Variants in DPYD observed in about 807,000 individuals in gnomAD.
DPYD encodes the protein dihydropyrimidine dehydrogenase [NADP(+)].
A neutral mutation model predicts 116.2 loss-of-function variants in DPYD; 109 were observed. The ratio of observed to expected loss-of-function variants is 0.94; its 90% CI spans 0.80 to 1.10. DPYD has a LOEUF of 1.10. Among genes scored for constraint, DPYD ranks in the 50% least tolerant of loss-of-function variants. DPYD has a pLI of 0.00. For synonymous variants in DPYD, 440 were observed against 432.0 expected, an observed-to-expected ratio of 1.02 and a Z score of -0.23; for missense variants, 1,302 against 1,254.5, an observed-to-expected ratio of 1.04 and a Z score of -0.57.
chr1:97,678,537 T>C (rs1159160377), intron 8 of DPYD, among the ~76,000 whole-genome samples: 1 of 152,178 alleles, frequency 6.6e-6, no homozygotes, highest in Non-Finnish European at 1.5e-5. Context: ...AGAAAAATGT[T>C]AGAAAACTCA....
chr1:97,378,152 TA>T (rs1671744041), intron 15 of DPYD, among the ~76,000 whole-genome samples: 1 of 152,194 alleles, frequency 6.6e-6, no homozygotes, highest in Admixed American at 6.5e-5. Flanking sequence ...CTGGGACAGG[TA>T]AAACACTCTT....
intron 16 of DPYD, among the ~76,000 whole-genome samples, chr1:97,307,627 T>C (rs1255437104): frequency 6.6e-6 from 1 of 151,912 alleles, no homozygotes; most frequent in Non-Finnish European, 1.5e-5. Context: ...TTATTCTCTT[T>C]TTAGAACAGT....
At chr1:97,680,465 T>C (rs532831635) in intron 7 of DPYD, among the ~76,000 whole-genome samples, 82 of 152,228 alleles carry the variant, frequency 5.4e-4, no homozygotes, top group Non-Finnish European at 9.3e-4. Flanking sequence ...GTATTATTGC[T>C]AGAGAAGTTT....
Position 97,796,334 on chromosome 1 carries a change from A to T in DPYD, c.233+31780T>A, listed in dbSNP as rs1406080974. Reference sequence around the variant, plus strand: ...AGTTAATTTTTCTCCACTGCTTTTAATCACATTAAACTGATCCTTCTATTC... The same window carrying T: ...AGTTAATTTTTCTCCACTGCTTTTATTCACATTAAACTGATCCTTCTATTC... On this transcript the variant is annotated intron_variant, in intron 3 of 22. Coordinates refer to ENST00000370192, the MANE Select transcript of DPYD (RefSeq NM_000110.4). Among the ~76,000 whole-genome samples the T allele has an allele frequency of 2.0e-5, 3 of 152,238 alleles. No individual in the cohort carries two copies. In the South Asian group the frequency reaches 6.2e-4, roughly 32 times the overall value.
chr1:97,822,222 TTC>T (rs150231775), intron 3 of DPYD, among the ~76,000 whole-genome samples: 4,299 of 92,172 alleles, frequency 0.047, 173 homozygotes, highest in African/African-American at 0.14. Context: ...GCAATTTTGT[TTC>T]TCTCTCTCTC....
intron 8 of DPYD, among the ~76,000 whole-genome samples, chr1:97,605,110 A>G (rs1261422940): frequency 1.3e-5 from 2 of 152,118 alleles, no homozygotes; most frequent in East Asian, 1.9e-4. Context: ...GATTTTCCAC[A>G]TCTAACAATC....
intron 14 of DPYD, among the ~76,000 whole-genome samples, chr1:97,412,615 A>G (rs1159949442): frequency 6.6e-6 from 1 of 152,230 alleles, no homozygotes; most frequent in Non-Finnish European, 1.5e-5. Context: ...AGAAATTATT[A>G]TATGAAAGTA....
At chr1:97,912,775 T>C (rs1356416536) in intron 1 of DPYD, among the ~76,000 whole-genome samples, 1 of 152,132 alleles carries the variant, frequency 6.6e-6, no homozygotes, top group Non-Finnish European at 1.5e-5. Context: ...CCTAGAGATC[T>C]GTAAGGGGAA....
chr1:97,671,017 A>G (rs1659833501), intron 8 of DPYD, among the ~76,000 whole-genome samples: 1 of 152,120 alleles, frequency 6.6e-6, no homozygotes, highest in African/African-American at 2.4e-5. Context: ...ATAAACACAA[A>G]GAAGGTAAAT....
intron 13 of DPYD, among the ~76,000 whole-genome samples, chr1:97,467,574 C>T (rs1202335629): frequency 6.6e-6 from 1 of 152,150 alleles, no homozygotes; most frequent in Non-Finnish European, 1.5e-5. Context: ...GTTGCCTGAT[C>T]TTCTTTGCTT....
chr1:97,809,386 C>T (rs1364226782), intron 3 of DPYD, among the ~76,000 whole-genome samples: 3 of 152,156 alleles, frequency 2.0e-5, no homozygotes, highest in Non-Finnish European at 4.4e-5. Context: ...TTCTGTTAAC[C>T]ACCCTCACCA....
chr1:97,450,223 C>T lies in DPYD; in HGVS notation c.1741G>A (p.Asp581Asn). The T allele has an allele frequency of 6.2e-7, 1 of 1,613,328 alleles. No homozygotes were observed. Among genetic ancestry groups the T allele is most frequent in the East Asian group, 2.2e-5 (1 of 44,854 alleles). ...CTGGGGGAAACATTTGTCACAATGT[C>T]CTGATGAAAGAGTAAAGATATTGAG... ...ALTKTFSLDKDIVTNVSPRII... is the reference protein window; with the variant it reads ...ALTKTFSLDKNIVTNVSPRII... The change falls in exon 14 of 23, where the codon GAC becomes AAC. Residue 581 changes from aspartate to asparagine, a missense_variant and splice_region_variant. Physicochemically the swap from Asp to Asn is conservative, Grantham distance 23. Transcript: ENST00000370192.
At chr1:97,888,786 C>G (rs1417636025) in intron 1 of DPYD, among the ~76,000 whole-genome samples, 2 of 151,966 alleles carry the variant, frequency 1.3e-5, no homozygotes, top group African/African-American at 4.8e-5. Flanking sequence ...ACAAAACTAT[C>G]TTTCAAAAAA....
chr1:97,779,711 G>GCA (rs1666626490), intron 3 of DPYD, among the ~76,000 whole-genome samples: 2 of 151,904 alleles, frequency 1.3e-5, no homozygotes, highest in Admixed American at 1.3e-4. Flanking sequence ...ATCATGGCGT[G>GCA]CATTTTGTAC....
intron 8 of DPYD, among the ~76,000 whole-genome samples, chr1:97,606,297 G>T (rs1418707354): frequency 6.6e-6 from 1 of 151,896 alleles, no homozygotes; most frequent in Non-Finnish European, 1.5e-5. Context: ...TAGGTGCTGG[G>T]AATATATAGA....
At chr1:97,293,551 T>C (rs976834017) in intron 18 of DPYD, among the ~76,000 whole-genome samples, 1 of 152,196 alleles carries the variant, frequency 6.6e-6, no homozygotes, top group Non-Finnish European at 1.5e-5. Context: ...GCATCTGACA[T>C]CTAACACATA....
chr1:97,912,647 T>C (rs1674007839), intron 1 of DPYD, among the ~76,000 whole-genome samples: 1 of 152,066 alleles, frequency 6.6e-6, no homozygotes, highest in Non-Finnish European at 1.5e-5. Flanking sequence ...TGAAAAATAA[T>C]TTAAAAATCA....
rs185249715 is a variant in DPYD at position 97,909,421 on chromosome 1, C to T, written c.39+11463G>A. On this transcript the variant is annotated intron_variant, in intron 1 of 22. Transcript: ENST00000370192. Reference sequence around the variant, plus strand: ...TTAATATATGTACCTGCTCTGTTATCCCTCTCCAGCTACTTCCCTATTTTC... The same window carrying T: ...TTAATATATGTACCTGCTCTGTTATTCCTCTCCAGCTACTTCCCTATTTTC... 1.2e-3 allele frequency among the ~76,000 whole-genome samples: 184 copies of T among 152,208 alleles called. No homozygotes were observed. In the Middle Eastern group the frequency reaches 0.024, roughly 20 times the overall value.
chr1:97,339,654 T>G (rs940241429), intron 16 of DPYD, among the ~76,000 whole-genome samples: 1 of 152,174 alleles, frequency 6.6e-6, no homozygotes, highest in African/African-American at 2.4e-5. Flanking sequence ...CTCATAAAAT[T>G]TCTACCAGAA....
Sources: gnomAD v4.1 joint callset for allele counts (sites outside exome capture counted in the v4.1 genomes callset) on GRCh38, gnomAD v4.1.1 for gene constraint, MANE v1.5 for transcripts, NCBI Gene and HGNC (gene_info 2026-07-23, HGNC 2026-07-21) for gene names.